The following BRIP1 variants were observed in gnomAD, a reference collection of about 807,000 sequenced individuals.
BRIP1 encodes the protein Fanconi anemia group J protein.
Under a neutral mutation model 119.7 loss-of-function variants are expected in BRIP1, and 88 were observed. That is an observed-to-expected ratio of 0.74 (90% confidence interval 0.62 to 0.88). The LOEUF (loss-of-function observed/expected upper bound fraction) is 0.88. BRIP1 is among the 40% of genes least tolerant of loss of function. The probability of loss-of-function intolerance (pLI) is 0.00; values close to 1 mark genes in which losing one functional copy is unlikely to be tolerated. For missense variants in BRIP1, 1,259 were observed against 1,455.4 expected (o/e 0.87, Z 2.20); for synonymous variants, 443 against 496.5 (o/e 0.89, Z 1.43).
At position 61,735,969 on chromosome 17, in the gene BRIP1, A is replaced by G. The variant is rs916690492; in HGVS notation, c.2379+7044T>C. Among the ~76,000 whole-genome samples, 2 of 152,078 alleles carry G rather than the reference A, an allele frequency of 1.3e-5. No homozygotes were observed. Among genetic ancestry groups the G allele is most frequent in the African/African-American group, 4.8e-5 (2 of 41,402 alleles). ...TAAGCCATGCCCACACTTGTGACCAATGGAAACTGAGATAATAAATGTGTG... is the reference window on the plus strand; with the variant it reads ...TAAGCCATGCCCACACTTGTGACCAGTGGAAACTGAGATAATAAATGTGTG... On this transcript the variant is annotated intron_variant, in intron 16 of 19. Coordinates refer to ENST00000259008, the MANE Select transcript of BRIP1 (RefSeq NM_032043.3). This position sits in a 1 kb window ranked among gnomAD's most constrained non-coding sequence, Gnocchi z 4.4.
intron 6 of BRIP1, among the ~76,000 whole-genome samples, chr17:61,840,028 C>T (rs72843728): frequency 0.19 from 28,577 of 152,070 alleles, 3,108 homozygotes; most frequent in Admixed American, 0.3. Flanking sequence ...GGTTTAGACT[C>T]AAAAGATTTC....
rs2077061126 is a variant in BRIP1, at chr17:61,746,592, A to G, written c.2098-2001T>C. On this transcript the variant is annotated intron_variant, in intron 14 of 19. Transcript: ENST00000259008. The surrounding 1 kb of genome is among the most constrained non-coding windows in gnomAD (Gnocchi z 4.9). ...TCAAAAATTGTCACAAGAGACAAAA[A>G]AAAAGGACATTATATAATGATAAAT... 6.6e-6 allele frequency among the ~76,000 whole-genome samples: 1 copy of G among 152,124 alleles called. No individual in the cohort carries two copies. The highest frequency in any genetic ancestry group is 2.1e-4 in the South Asian group (1 of 4,832).
Position 61,845,769 on chromosome 17 carries a change from T to C in BRIP1, c.627+1332A>G, listed in dbSNP as rs540638745. ...CATCCTGCTTCTGTATGCAAAAGTGTTTTATGAGTTCTATTCATTTCTTCA... is the reference window on the plus strand; with the variant it reads ...CATCCTGCTTCTGTATGCAAAAGTGCTTTATGAGTTCTATTCATTTCTTCA... On this transcript the variant is annotated intron_variant, in intron 6 of 19. Coordinates refer to ENST00000259008, the MANE Select transcript of BRIP1 (RefSeq NM_032043.3). The surrounding 1 kb of genome is among the most constrained non-coding windows in gnomAD (Gnocchi z 4.2). 6.6e-6 allele frequency among the ~76,000 whole-genome samples: 1 copy of C among 152,294 alleles called. No homozygotes were observed. The highest frequency in any genetic ancestry group is 2.4e-5 in the African/African-American group (1 of 41,558).
In BRIP1 at chr17:61,832,740, T is replaced by C. The variant is rs2078511982; in HGVS notation, c.627+14361A>G. On this transcript the variant is annotated intron_variant, in intron 6 of 19. Coordinates refer to ENST00000259008, the MANE Select transcript of BRIP1 (RefSeq NM_032043.3). This position sits in a 1 kb window ranked among gnomAD's most constrained non-coding sequence, Gnocchi z 5.5. ...ATGCAATGCATGGTTCTGACTGGAT[T>C]CTTTTGCTTTTATAAAAGCGTTATT... Among the ~76,000 whole-genome samples the C allele has an allele frequency of 6.6e-6, 1 of 152,224 alleles. No individual in the cohort carries two copies. The highest frequency in any genetic ancestry group is 6.5e-5 in the Admixed American group (1 of 15,280).
Position 61,683,175 on chromosome 17 carries a change from C to A in BRIP1, c.*121G>T. On this transcript the variant is annotated 3_prime_UTR_variant, in exon 20 of 20. Coordinates refer to ENST00000259008, the MANE Select transcript of BRIP1 (RefSeq NM_032043.3). The surrounding 1 kb of genome is among the most constrained non-coding windows in gnomAD (Gnocchi z 4.7). ...CTCAAGAATAATAACATTTACATTT[C>A]TGAACATAAAATAGTTTTTTAAAAA... The A allele has an allele frequency of 1.7e-6, 2 of 1,194,346 alleles. No individual in the cohort carries two copies. The highest frequency in any genetic ancestry group is 2.4e-6 in the Non-Finnish European group (2 of 845,626). The allele number at this position is 1,194,346 out of a possible 1,614,324, so 74.0% of individuals were successfully genotyped here.
chr17:61,742,963 C>G lies in BRIP1; in HGVS notation c.2379+50G>C. ...AGGGATCCCTGCAATTAACTTTATA[C>G]AAAACCAATGACTCCTGTAATAATA... is the stretch of plus-strand genomic sequence containing the variant. On this transcript the variant is annotated intron_variant, in intron 16 of 19. Transcript: ENST00000259008. The surrounding 1 kb of genome is among the most constrained non-coding windows in gnomAD (Gnocchi z 4.7). 1 of 1,606,506 alleles carries G rather than the reference C, an allele frequency of 6.2e-7. No homozygotes were observed.
rs2077878259 is a variant in BRIP1, at chr17:61,794,987, C to G, written c.1341-1258G>C. On this transcript the variant is annotated intron_variant, in intron 9 of 19. Transcript: ENST00000259008. This position sits in a 1 kb window ranked among gnomAD's most constrained non-coding sequence, Gnocchi z 4.3. ...CCAATATGATTTGCAGCACAATGGG[C>G]AAAAATGAATAATGGTATGAACAAT... Among the ~76,000 whole-genome samples the G allele has an allele frequency of 6.6e-6, 1 of 151,694 alleles. No homozygotes were observed. The highest frequency in any genetic ancestry group is 2.4e-5 in the African/African-American group (1 of 41,298).
In BRIP1 at chr17:61,681,970, A is replaced by G; in HGVS notation, c.*1326T>C. The G allele has an allele frequency of 5.0e-6, 1 of 200,418 alleles. No individual in the cohort carries two copies. The highest frequency in any genetic ancestry group is 1.0e-5 in the Non-Finnish European group (1 of 97,330). 12.4% of individuals were successfully genotyped at this position (200,418 alleles called of 1,614,324 possible). On this transcript the variant is annotated 3_prime_UTR_variant, in exon 20 of 20. Coordinates refer to ENST00000259008, the MANE Select transcript of BRIP1 (RefSeq NM_032043.3). The surrounding 1 kb of genome is among the most constrained non-coding windows in gnomAD (Gnocchi z 5.1). ...TTACTCACAAAAAGTCCCAATGCCC[A>G]GTGAATAACAGATGTTTCTTAAAAA... is the stretch of plus-strand genomic sequence containing the variant.
chr17:61,788,706 A>G (rs1277903203), intron 10 of BRIP1, among the ~76,000 whole-genome samples: 1 of 152,198 alleles, frequency 6.6e-6, no homozygotes, highest in Non-Finnish European at 1.5e-5. Context: ...TTGTAATCCC[A>G]GTGCTTCAGG....
At position 61,809,505 on chromosome 17, in the gene BRIP1, A is replaced by C. The variant is rs981580790; in HGVS notation, c.628-748T>G. Among the ~76,000 whole-genome samples the C allele has an allele frequency of 2.0e-5, 3 of 152,126 alleles. No homozygotes were observed. Among genetic ancestry groups the C allele is most frequent in the Non-Finnish European group, 2.9e-5 (2 of 67,994 alleles). The stretch of plus-strand genomic sequence containing the variant: ...ATATAAATGTCTCTTTAAACAAACC[A>C]TATGGAACATCAGGAATATAGTCTA... On this transcript the variant is annotated intron_variant, in intron 6 of 19. Coordinates refer to ENST00000259008, the MANE Select transcript of BRIP1 (RefSeq NM_032043.3). This position sits in a 1 kb window ranked among gnomAD's most constrained non-coding sequence, Gnocchi z 5.2.
chr17:61,811,442 C>T (rs1290476679), intron 6 of BRIP1, among the ~76,000 whole-genome samples: 14 of 151,638 alleles, frequency 9.2e-5, no homozygotes, highest in African/African-American at 9.7e-5. Context: ...AAGCTGGTCT[C>T]GAACTCCCGA....
rs1311903712 is a variant in BRIP1, at chr17:61,851,758, T to C, written c.380-2502A>G. Among the ~76,000 whole-genome samples the C allele has an allele frequency of 2.0e-5, 3 of 152,174 alleles. No homozygotes were observed. Among genetic ancestry groups the C allele is most frequent in the Admixed American group, 6.5e-5 (1 of 15,276 alleles). Reference sequence around the variant, plus strand: ...CTATCCTTAGTCCTTTGCATTTCCATATATATTTTAGATAAGATAGGTAAT... The same window carrying C: ...CTATCCTTAGTCCTTTGCATTTCCACATATATTTTAGATAAGATAGGTAAT... On this transcript the variant is annotated intron_variant, in intron 4 of 19. Coordinates refer to ENST00000259008, the MANE Select transcript of BRIP1 (RefSeq NM_032043.3). The surrounding 1 kb of genome is among the most constrained non-coding windows in gnomAD (Gnocchi z 4.6).
chr17:61,690,049 G>C lies in BRIP1; in HGVS notation c.2575+3381C>G, dbSNP rs768694243. 7.2e-5 allele frequency among the ~76,000 whole-genome samples: 11 copies of C among 152,160 alleles called. No homozygotes were observed. The highest frequency in any genetic ancestry group is 1.5e-4 in the Non-Finnish European group (10 of 68,024). On this transcript the variant is annotated intron_variant, in intron 18 of 19. Coordinates refer to ENST00000259008, the MANE Select transcript of BRIP1 (RefSeq NM_032043.3). The surrounding 1 kb of genome is among the most constrained non-coding windows in gnomAD (Gnocchi z 5.6). ...TCAGGCGACATCTTGCATGCTGTAA[G>C]GAAGTGGGATGACATGTTTGAAGTG... is the stretch of plus-strand genomic sequence containing the variant.
Position 61,685,869 on chromosome 17 carries a change from G to A in BRIP1, c.2872C>T (p.Leu958=), listed in dbSNP as rs1555573260. The change falls in exon 19 of 20, where the codon CTA becomes TTA. Residue 958 remains leucine, a synonymous_variant. Coordinates refer to ENST00000259008, the MANE Select transcript of BRIP1 (RefSeq NM_032043.3). ...TTTCTGGAGATAATGCTACTTGGTA[G>A]AGGTGAATTTTTGGTAATAATTTTA... The part of the protein sequence containing the change: ...CPKIITKNSP[L]PSSIISRKEK... 1.9e-6 allele frequency: 3 copies of A among 1,613,416 alleles called. No individual in the cohort carries two copies. Among genetic ancestry groups the A allele is most frequent in the Non-Finnish European group, 2.5e-6 (3 of 1,179,630 alleles).
chr17:61,822,251 C>G lies in BRIP1; in HGVS notation c.628-13494G>C, dbSNP rs1386812561. Among the ~76,000 whole-genome samples, 1 of 152,022 alleles carries G rather than the reference C, an allele frequency of 6.6e-6. No homozygotes were observed. The highest frequency in any genetic ancestry group is 1.5e-5 in the Non-Finnish European group (1 of 68,002). The stretch of plus-strand genomic sequence containing the variant: ...TTCTCATCATTTTTTTCTGTAAAAT[C>G]TTTGATGTTACTAGAATTTTTATAA... On this transcript the variant is annotated intron_variant, in intron 6 of 19. Transcript: ENST00000259008. This position sits in a 1 kb window ranked among gnomAD's most constrained non-coding sequence, Gnocchi z 4.4.
chr17:61,801,335 T>C lies in BRIP1; in HGVS notation c.1058A>G (p.Tyr353Cys). 1.2e-6 allele frequency: 2 copies of C among 1,614,092 alleles called. No homozygotes were observed. Among genetic ancestry groups the C allele is most frequent in the South Asian group, 2.2e-5 (2 of 91,084 alleles). The change falls in exon 8 of 20, where the codon TAC (tyrosine) becomes TGC (cysteine). Residue 353 changes from tyrosine to cysteine, a missense_variant. Tyr to Cys is a radical substitution (Grantham distance 194, BLOSUM62 -2). This residue lies in a region of BRIP1 where 501 missense variants were observed against 544.0 expected (regional missense o/e 0.92). Transcript: ENST00000259008. ...LGKKLKACPY[Y>C]TARELIQDAD... ...ATCTTGTATTAGTTCTCGGGCTGTGTAATATGGACAGGCCTTTAGTTTCTT... is the reference window on the plus strand; with the variant it reads ...ATCTTGTATTAGTTCTCGGGCTGTGCAATATGGACAGGCCTTTAGTTTCTT...
In BRIP1 at chr17:61,769,331, C is replaced by G. The variant is rs968640556; in HGVS notation, c.2097+7070G>C. 2.0e-5 allele frequency among the ~76,000 whole-genome samples: 3 copies of G among 152,154 alleles called. No homozygotes were observed. The highest frequency in any genetic ancestry group is 7.2e-5 in the African/African-American group (3 of 41,426). ...GTTATGCAGCAACATAGAACTAATA[C>G]AACCCATCTAATTATATTTCAATCC... On this transcript the variant is annotated intron_variant, in intron 14 of 19. Coordinates refer to ENST00000259008, the MANE Select transcript of BRIP1 (RefSeq NM_032043.3). The surrounding 1 kb of genome is among the most constrained non-coding windows in gnomAD (Gnocchi z 4.9).
chr17:61,723,125 C>A (rs1255084881), intron 16 of BRIP1, among the ~76,000 whole-genome samples: 1 of 152,180 alleles, frequency 6.6e-6, no homozygotes, highest in East Asian at 1.9e-4. Flanking sequence ...GAGTACACCT[C>A]ATTTTAATGA....
In BRIP1 at chr17:61,730,342, A is replaced by G. The variant is rs1426606890; in HGVS notation, c.2379+12671T>C. The stretch of plus-strand genomic sequence containing the variant: ...GCATTGAGAGAATTTGACTGAATAA[A>G]CTGATTAAAATTCACAACTAAAATT... On this transcript the variant is annotated intron_variant, in intron 16 of 19. Coordinates refer to ENST00000259008, the MANE Select transcript of BRIP1 (RefSeq NM_032043.3). This position sits in a 1 kb window ranked among gnomAD's most constrained non-coding sequence, Gnocchi z 4.3. 6.6e-6 allele frequency among the ~76,000 whole-genome samples: 1 copy of G among 152,190 alleles called. No homozygotes were observed. The highest frequency in any genetic ancestry group is 2.4e-5 in the African/African-American group (1 of 41,440).
Sources: gnomAD v4.1 joint callset for allele counts (sites outside exome capture counted in the v4.1 genomes callset) on GRCh38, gnomAD v4.1.1 for gene constraint, gnomAD v4.1.1 regional missense constraint, Gnocchi (gnomAD v3.1) non-coding constraint, MANE v1.5 for transcripts, NCBI Gene and HGNC (gene_info 2026-07-23, HGNC 2026-07-21) for gene names.